Variants in MYO5A observed in about 807,000 individuals in gnomAD.
MYO5A encodes the protein myosin VA, also known as unconventional myosin-Va.
In MYO5A, 98 loss-of-function variants were observed where a neutral mutation model predicts 249.7. The observed-to-expected ratio is 0.39, with a 90% CI of 0.33 to 0.46. MYO5A has a LOEUF of 0.46. MYO5A is among the 20% of genes least tolerant of loss of function. The pLI is 0.98. For missense variants in MYO5A, 1,696 were observed against 2,308.8 expected (o/e 0.73, Z 5.44); for synonymous variants, 778 against 810.6 (o/e 0.96, Z 0.68).
chr15:52,352,474 T>C (rs2040001336), intron 27 of MYO5A, among the ~76,000 whole-genome samples: 1 of 152,206 alleles, frequency 6.6e-6, no homozygotes, highest in African/African-American at 2.4e-5. Flanking sequence ...ATCAGTCCTT[T>C]CAATGTGTTA....
intron 1 of MYO5A, among the ~76,000 whole-genome samples, chr15:52,461,126 T>C (rs1204582534): frequency 2.0e-5 from 3 of 152,130 alleles, no homozygotes; most frequent in African/African-American, 7.2e-5. Context: ...TTAATTTTTG[T>C]ATTTTTTGCG....
intron 29 of MYO5A, among the ~76,000 whole-genome samples, chr15:52,348,479 G>A (rs566086523): frequency 1.3e-5 from 2 of 152,174 alleles, no homozygotes; most frequent in African/African-American, 2.4e-5. Flanking sequence ...AGATATGAGA[G>A]CTCAGGAGAG....
chr15:52,447,702 G>T (rs1279291672), intron 1 of MYO5A, among the ~76,000 whole-genome samples: 5 of 152,108 alleles, frequency 3.3e-5, no homozygotes, highest in Middle Eastern at 3.2e-3. Flanking sequence ...AGGCTGAGAG[G>T]GTCTCAGATG....
chr15:52,391,231 T>C (rs1159458361), intron 12 of MYO5A, among the ~76,000 whole-genome samples: 1 of 152,208 alleles, frequency 6.6e-6, no homozygotes, highest in Non-Finnish European at 1.5e-5. Context: ...CGAGTTTAAA[T>C]TTGCCTACTG....
intron 1 of MYO5A, among the ~76,000 whole-genome samples, chr15:52,497,116 C>G (rs958866831): frequency 1.3e-5 from 2 of 152,158 alleles, no homozygotes; most frequent in Non-Finnish European, 2.9e-5. Context: ...CATGCACCAC[C>G]ATGCCCGGCT....
At chr15:52,419,790 AAGATGCT>A (rs1215481370) in intron 4 of MYO5A, among the ~76,000 whole-genome samples, 1 of 152,186 alleles carries the variant, frequency 6.6e-6, no homozygotes, top group Non-Finnish European at 1.5e-5. Context: ...GCATTATATA[AAGATGCT>A]AGAGCAGAAA....
intron 26 of MYO5A, 62 bp downstream of exon 26, chr15:52,353,809 A>C (rs1203756812): frequency 6.2e-7 from 1 of 1,609,012 alleles, no homozygotes. Flanking sequence ...CCACTAAGGA[A>C]GAGACTGCTG....
At chr15:52,323,684 G>C (rs1474128481) in intron 36 of MYO5A, 1 of 416,026 alleles carries the variant, frequency 2.4e-6, no homozygotes, top group East Asian at 5.4e-5. Context: ...AAACTGATGC[G>C]AATTTAGCTG....
chr15:52,473,331 C>T (rs1312352934), intron 1 of MYO5A, among the ~76,000 whole-genome samples: 1 of 152,118 alleles, frequency 6.6e-6, no homozygotes, highest in Admixed American at 6.5e-5. Flanking sequence ...AAATTTTCTC[C>T]CATTCTGTAG....
intron 9 of MYO5A, among the ~76,000 whole-genome samples, chr15:52,399,927 C>G (rs1034500455): frequency 3.3e-5 from 5 of 152,148 alleles, no homozygotes; most frequent in African/African-American, 9.7e-5. Flanking sequence ...TCTGTTTTTG[C>G]ATAACTTAGG....
chr15:52,369,827 AGACT>A (rs1347805884), intron 22 of MYO5A, among the ~76,000 whole-genome samples: 2 of 150,170 alleles, frequency 1.3e-5, no homozygotes, highest in Non-Finnish European at 3.0e-5. Flanking sequence ...TCTACGCCCC[AGACT>A]GACTTTTTTT....
In MYO5A at chr15:52,457,931, G is replaced by C. The variant is rs79496021; in HGVS notation, c.28-24646C>G. Among the ~76,000 whole-genome samples, 358 of 152,212 alleles carry C rather than the reference G, an allele frequency of 2.4e-3. 1 individual carries two copies. Among genetic ancestry groups the C allele is most frequent in the African/African-American group, 8.2e-3 (341 of 41,518 alleles). On this transcript the variant is annotated intron_variant, in intron 1 of 41. Coordinates refer to ENST00000399233, the MANE Select transcript of MYO5A (RefSeq NM_001382347.1). ...TAGAATACTATTCGGCCATAAAAAAGAATAAAATCTTGTCGTTGCAGCAGC... is the reference window on the plus strand; with the variant it reads ...TAGAATACTATTCGGCCATAAAAAACAATAAAATCTTGTCGTTGCAGCAGC...
At chr15:52,503,082 T>C (rs2141589277) in intron 1 of MYO5A, among the ~76,000 whole-genome samples, 1 of 152,280 alleles carries the variant, frequency 6.6e-6, no homozygotes, top group South Asian at 2.1e-4. Flanking sequence ...AATATTAATA[T>C]ACAGTTTGAT....
intron 22 of MYO5A, 63 bp downstream of exon 22, chr15:52,370,106 G>T: frequency 6.2e-7 from 1 of 1,603,552 alleles, no homozygotes; most frequent in Non-Finnish European, 8.5e-7. Context: ...CACGGACCAA[G>T]TCATGATGAC....
At chr15:52,344,281 TTA>T (rs887707169) in intron 30 of MYO5A, among the ~76,000 whole-genome samples, 3 of 152,296 alleles carry the variant, frequency 2.0e-5, no homozygotes. Flanking sequence ...GTCTACAGAT[TTA>T]TATACTCAAC....
chr15:52,331,943 A>G, intron 34 of MYO5A: 1 of 827,162 alleles, frequency 1.2e-6, no homozygotes, highest in Non-Finnish European at 1.5e-6. Flanking sequence ...GACTAACTCT[A>G]AAGTATATTC....
intron 1 of MYO5A, among the ~76,000 whole-genome samples, chr15:52,495,155 C>G (rs951824136): frequency 6.6e-6 from 1 of 152,038 alleles, no homozygotes; most frequent in Non-Finnish European, 1.5e-5. Context: ...ACCTAAGTGT[C>G]CAGTAACAAA....
intron 2 of MYO5A, among the ~76,000 whole-genome samples, chr15:52,428,848 C>G (rs2075454423): frequency 6.6e-6 from 1 of 152,164 alleles, no homozygotes; most frequent in African/African-American, 2.4e-5. Flanking sequence ...AAGTTTTAAA[C>G]TTTTAAATAT....
chr15:52,401,074 C>CTTT (rs61604681), intron 9 of MYO5A, among the ~76,000 whole-genome samples: 25 of 136,004 alleles, frequency 1.8e-4, no homozygotes, highest in East Asian at 6.4e-4. Flanking sequence ...TTCTCATAAG[C>CTTT]TTTTTTTTTT....
Sources: gnomAD v4.1 joint callset for allele counts (sites outside exome capture counted in the v4.1 genomes callset) on GRCh38, gnomAD v4.1.1 for gene constraint, MANE v1.5 for transcripts, NCBI Gene and HGNC (gene_info 2026-07-23, HGNC 2026-07-21) for gene names.